Variants in SWT1 observed in about 807,000 individuals in gnomAD.
The protein encoded by SWT1 is transcriptional protein SWT1.
Under a neutral mutation model 107.3 loss-of-function variants are expected in SWT1, and 33 were observed. That is an observed-to-expected ratio of 0.31 (90% CI 0.23 to 0.41). The LOEUF (loss-of-function observed/expected upper bound fraction) is 0.41, where lower values mean the gene tolerates loss of function less well. Ranked by LOEUF, SWT1 falls within the 10% of genes least tolerant of loss-of-function variation. The probability of loss-of-function intolerance (pLI) is 1.00; values close to 1 mark genes in which losing one functional copy is unlikely to be tolerated. For missense variants in SWT1, 898 were observed against 1,028.9 expected, an observed-to-expected ratio of 0.87 and a Z score of 1.74; for synonymous variants, 345 against 348.3, an observed-to-expected ratio of 0.99 and a Z score of 0.11.
chr1:185,195,036 A>G (rs578095109), intron 10 of SWT1, among the ~76,000 whole-genome samples: 7 of 152,174 alleles, frequency 4.6e-5, no homozygotes, highest in South Asian at 2.1e-4. Context: ...TCTGGGATAC[A>G]TATGCAGAAC....
intron 10 of SWT1, among the ~76,000 whole-genome samples, chr1:185,201,299 GA>G (rs1300574665): frequency 3.3e-5 from 5 of 152,088 alleles, no homozygotes; most frequent in Non-Finnish European, 7.4e-5. Flanking sequence ...ACTGGGATAT[GA>G]AAAAAACCTC....
intron 13 of SWT1, among the ~76,000 whole-genome samples, chr1:185,210,133 A>T (rs1425796818): frequency 6.6e-6 from 1 of 152,146 alleles, no homozygotes; most frequent in African/African-American, 2.4e-5. Context: ...TGTTTGTCAG[A>T]TCGATAGATT....
chr1:185,159,200 T>C (rs1230628159), intron 1 of SWT1, among the ~76,000 whole-genome samples: 4 of 152,210 alleles, frequency 2.6e-5, no homozygotes, highest in Non-Finnish European at 5.9e-5. Flanking sequence ...TTATTCATTG[T>C]GGTAGCAGAT....
intron 14 of SWT1, among the ~76,000 whole-genome samples, chr1:185,215,692 A>G (rs1475594197): frequency 6.6e-6 from 1 of 151,980 alleles, no homozygotes; most frequent in Non-Finnish European, 1.5e-5. Flanking sequence ...GCATGGCACC[A>G]CCACACCTGG....
intron 5 of SWT1, among the ~76,000 whole-genome samples, chr1:185,179,846 C>T (rs575940193): frequency 1.3e-5 from 2 of 152,254 alleles, no homozygotes; most frequent in East Asian, 1.9e-4. Flanking sequence ...GCAATTTTGC[C>T]CCTCAGGGGA....
chr1:185,278,203 A>AC (rs1296314018), intron 18 of SWT1, among the ~76,000 whole-genome samples: 1 of 152,186 alleles, frequency 6.6e-6, no homozygotes, highest in East Asian at 1.9e-4. Flanking sequence ...TACCCTCCAA[A>AC]CTTATACATT....
In SWT1 at chr1:185,159,717, A is replaced by G. The variant is rs892792588; in HGVS notation, c.-9-1116A>G. 2.6e-5 allele frequency among the ~76,000 whole-genome samples: 4 copies of G among 151,910 alleles called. No individual in the cohort carries two copies. The East Asian group carries it at 7.7e-4, about 29-fold the overall frequency. ...TGTACATATATATATGTATTTTAAT[A>G]TTTTTTTATATTTTTTTAAATTTTT... On this transcript the variant is annotated intron_variant, in intron 1 of 18. Coordinates refer to ENST00000367500, the MANE Select transcript of SWT1 (RefSeq NM_017673.7).
chr1:185,176,961 G>C (rs1286401211), intron 5 of SWT1: 1 of 905,660 alleles, frequency 1.1e-6, no homozygotes, highest in Non-Finnish European at 1.3e-6. Flanking sequence ...TCCAGCCTGG[G>C]CGACAGAGCA....
chr1:185,254,758 GT>G (rs1183430582), intron 16 of SWT1, among the ~76,000 whole-genome samples: 1 of 150,096 alleles, frequency 6.7e-6, no homozygotes, highest in Non-Finnish European at 1.5e-5. Flanking sequence ...TTTTTGAAGG[GT>G]TTTTTGTGTC....
intron 2 of SWT1, among the ~76,000 whole-genome samples, chr1:185,165,404 T>C (rs1456750149): frequency 6.6e-6 from 1 of 152,210 alleles, no homozygotes; most frequent in Non-Finnish European, 1.5e-5. Flanking sequence ...CAATTATCTA[T>C]GAAGTACAAT....
At chr1:185,180,847 G>C (rs745415529) in intron 6 of SWT1, among the ~76,000 whole-genome samples, 4 of 152,214 alleles carry the variant, frequency 2.6e-5, no homozygotes, top group African/African-American at 7.2e-5. Context: ...GAGAGTACAT[G>C]AGTGTTTATC....
intron 16 of SWT1, among the ~76,000 whole-genome samples, chr1:185,253,909 G>A (rs1662260804): frequency 6.6e-6 from 1 of 151,240 alleles, no homozygotes; most frequent in South Asian, 2.1e-4. Flanking sequence ...GATATTGGCT[G>A]TGGGTTTGTC....
At chr1:185,195,357 C>T (rs530943926) in intron 10 of SWT1, among the ~76,000 whole-genome samples, 1 of 152,244 alleles carries the variant, frequency 6.6e-6, no homozygotes, top group East Asian at 1.9e-4. Flanking sequence ...CATAGTATTC[C>T]ATGGTGTATA....
intron 17 of SWT1, among the ~76,000 whole-genome samples, chr1:185,272,273 C>T (rs1039095573): frequency 1.1e-4 from 17 of 152,132 alleles, no homozygotes; most frequent in African/African-American, 2.2e-4. Flanking sequence ...ATTACTGAAC[C>T]GAAGCGGGTA....
Position 185,174,950 on chromosome 1 carries a change from A to G in SWT1, c.803A>G (p.Glu268Gly). Residue 268 changes from glutamate (E) to glycine (G), a missense_variant, in exon 5 of 19, where the codon GAA becomes GGA. By Grantham distance (98) the Glu-to-Gly change is moderately conservative (BLOSUM62 -2). Around this residue, in one of 6 missense-constraint regions of SWT1, gnomAD observed 382 missense variants for 362.4 expected, o/e 1.05. Transcript: ENST00000367500. ...TCGAAGACTAAGCAGGAAGAAAGAG[A>G]ATACCTGGAAAGCTCCCAGGTTTCA... ...NNSKTKQEER[E>G]YLESSQVSLN... 1 of 1,613,784 alleles carries G rather than the reference A, an allele frequency of 6.2e-7. No individual in the cohort carries two copies. The highest frequency in any genetic ancestry group is 1.7e-4 in the Middle Eastern group (1 of 6,060).
intron 5 of SWT1, among the ~76,000 whole-genome samples, chr1:185,177,895 C>T (rs768507542): frequency 5.3e-5 from 8 of 152,096 alleles, no homozygotes; most frequent in African/African-American, 1.9e-4. Flanking sequence ...AGTAGGAATT[C>T]GTTCATTTAT....
chr1:185,203,395 G>A (rs572170614), intron 11 of SWT1, among the ~76,000 whole-genome samples: 9 of 152,054 alleles, frequency 5.9e-5, no homozygotes, highest in East Asian at 5.8e-4. Flanking sequence ...AGGCCGAGGC[G>A]GGTGGATCAC....
intron 16 of SWT1, among the ~76,000 whole-genome samples, chr1:185,256,527 C>G (rs549552228): frequency 2.9e-4 from 43 of 149,474 alleles, no homozygotes; most frequent in Admixed American, 2.1e-3. Flanking sequence ...TCATTTCATT[C>G]ATTTCATCTT....
intron 15 of SWT1, chr1:185,227,276 G>A: frequency 1.3e-6 from 1 of 755,382 alleles, no homozygotes; most frequent in South Asian, 1.3e-5. Context: ...AGCAGGTAAA[G>A]GCACCTGGCT....
Sources: allele counts gnomAD v4.1 joint callset (sites outside exome capture counted in the v4.1 genomes callset), GRCh38; gene constraint gnomAD v4.1.1; regional missense constraint gnomAD v4.1.1; transcripts MANE v1.5; gene names NCBI Gene and HGNC (gene_info 2026-07-23, HGNC 2026-07-21).